The following SCNN1B variants were observed in gnomAD, a reference collection of about 807,000 sequenced individuals.
The protein encoded by SCNN1B is sodium channel epithelial 1 subunit beta.
In SCNN1B, 46 loss-of-function variants were observed where a neutral mutation model predicts 65.3. The observed-to-expected ratio is 0.70, with a 90% CI of 0.56 to 0.90. SCNN1B has a LOEUF of 0.90. Ranked by LOEUF, SCNN1B falls within the 40% of genes least tolerant of loss-of-function variation. The pLI, the probability that SCNN1B is intolerant of heterozygous loss-of-function variation, is 0.00. For missense variants in SCNN1B, 751 were observed against 830.5 expected (o/e 0.90, Z 1.18); for synonymous variants, 349 against 330.6 (o/e 1.06, Z -0.60).
At chr16:23,354,866 CGT>C (rs1962384766) in intron 3 of SCNN1B, among the ~76,000 whole-genome samples, 1 of 152,100 alleles carries the variant, frequency 6.6e-6, no homozygotes, top group South Asian at 2.1e-4. Flanking sequence ...CACACATGAC[CGT>C]GTGTGTGTTT....
chr16:23,332,636 T>C (rs924507405), intron 1 of SCNN1B, among the ~76,000 whole-genome samples: 4 of 152,162 alleles, frequency 2.6e-5, no homozygotes, highest in African/African-American at 9.7e-5. Flanking sequence ...TGGTCAGAGA[T>C]GTTTTTTATC....
intron 1 of SCNN1B, chr16:23,323,449 A>G: frequency 1.5e-6 from 1 of 684,262 alleles, no homozygotes; most frequent in Non-Finnish European, 2.7e-6. Flanking sequence ...TCTCATAGGC[A>G]CTGATCTCTC....
At chr16:23,324,056 T>C (rs1348102820) in intron 1 of SCNN1B, among the ~76,000 whole-genome samples, 1 of 152,134 alleles carries the variant, frequency 6.6e-6, no homozygotes, top group Admixed American at 6.6e-5. Context: ...GAGGTACTAT[T>C]GCTGGCCTCA....
chr16:23,348,933 G>A lies in SCNN1B; in HGVS notation c.311+23G>A. Reference sequence around the variant, plus strand: ...CAAGTAGGTGGCCCCGGAGTGCACAGCTGGCCTCAGCAGACAGGCGGTTCT... The same window carrying A: ...CAAGTAGGTGGCCCCGGAGTGCACAACTGGCCTCAGCAGACAGGCGGTTCT... On this transcript the variant is annotated intron_variant, in intron 2 of 12. Transcript: ENST00000343070. The surrounding 1 kb of genome is among the most constrained non-coding windows in gnomAD (Gnocchi z 4.5). 6.2e-7 allele frequency: 1 copy of A among 1,601,882 alleles called. No homozygotes were observed. Among genetic ancestry groups the A allele is most frequent in the Non-Finnish European group, 8.6e-7 (1 of 1,169,034 alleles).
intron 1 of SCNN1B, among the ~76,000 whole-genome samples, chr16:23,345,007 G>GT (rs1215413166): frequency 1.4e-5 from 2 of 145,602 alleles, no homozygotes; most frequent in East Asian, 2.1e-4. Context: ...AGAGGAGAGA[G>GT]AAAGAGAGAG....
At chr16:23,366,355 A>G (rs1484682101) in intron 4 of SCNN1B, among the ~76,000 whole-genome samples, 1 of 151,934 alleles carries the variant, frequency 6.6e-6, no homozygotes, top group Non-Finnish European at 1.5e-5. Flanking sequence ...ACAGACACTC[A>G]CCACTACTCC....
At chr16:23,372,967 C>T (rs947335053) in intron 7 of SCNN1B, among the ~76,000 whole-genome samples, 5 of 151,418 alleles carry the variant, frequency 3.3e-5, no homozygotes, top group Non-Finnish European at 2.9e-5. Flanking sequence ...ATTAGCCAGG[C>T]GTCGTGGCAC....
chr16:23,296,334 C>T (rs939137107), intron 2 of SCNN1B, among the ~76,000 whole-genome samples: 1 of 152,076 alleles, frequency 6.6e-6, no homozygotes, highest in Non-Finnish European at 1.5e-5. Flanking sequence ...TCCAGAAAAT[C>T]GGGAAATTGG....
intron 1 of SCNN1B, among the ~76,000 whole-genome samples, chr16:23,324,639 G>T (rs563493651): frequency 1.3e-5 from 2 of 152,008 alleles, no homozygotes; most frequent in African/African-American, 2.4e-5. Flanking sequence ...CTGGAATACC[G>T]CATTTTATTC....
chr16:23,331,063 C>A (rs1961801219), intron 1 of SCNN1B, among the ~76,000 whole-genome samples: 1 of 152,244 alleles, frequency 6.6e-6, no homozygotes, highest in Admixed American at 6.5e-5. Flanking sequence ...CATGATTCAT[C>A]TTCCATCTCA....
chr16:23,344,346 G>A (rs1013725069), intron 1 of SCNN1B, among the ~76,000 whole-genome samples: 2 of 152,166 alleles, frequency 1.3e-5, no homozygotes, highest in African/African-American at 4.8e-5. Flanking sequence ...CTTTCTCCTT[G>A]ACTAAATCAG....
At chr16:23,308,899 G>C (rs774506200) in intron 1 of SCNN1B, among the ~76,000 whole-genome samples, 1 of 152,126 alleles carries the variant, frequency 6.6e-6, no homozygotes, top group African/African-American at 2.4e-5. Context: ...CACCATGCCT[G>C]GCCACGATCT....
At chr16:23,316,573 C>T (rs1567294576) in intron 1 of SCNN1B, among the ~76,000 whole-genome samples, 1 of 132,216 alleles carries the variant, frequency 7.6e-6, no homozygotes, top group African/African-American at 4.4e-5. Context: ...TCCTCACCAT[C>T]ACCACCATCA....
intron 1 of SCNN1B, among the ~76,000 whole-genome samples, chr16:23,338,772 T>C (rs1175650418): frequency 1.6e-4 from 24 of 152,236 alleles, no homozygotes. Context: ...CCGTCACATC[T>C]TTCTGACTTT....
At position 23,329,289 on chromosome 16, in the gene SCNN1B, T is replaced by G. The variant is rs542423429; in HGVS notation, c.-8-19303T>G. Among the ~76,000 whole-genome samples, 14 of 151,142 alleles carry G rather than the reference T, an allele frequency of 9.3e-5. No individual in the cohort carries two copies. In the South Asian group the frequency reaches 2.9e-3, roughly 32 times the overall value. The stretch of plus-strand genomic sequence containing the variant: ...ACCAAACATGGCTAATTTTTGTATT[T>G]TTTTGTTTCACCAACATGGTTTCAC... On this transcript the variant is annotated intron_variant, in intron 1 of 12. Transcript: ENST00000343070.
upstream of SCNN1B, among the ~76,000 whole-genome samples, chr16:23,299,231 T>C (rs532757073): frequency 7.4e-4 from 112 of 152,024 alleles, no homozygotes; most frequent in African/African-American, 2.5e-3. Flanking sequence ...GGCTAATTTT[T>C]TGTATTTTAG....
At chr16:23,308,240 A>G (rs1961262758) in intron 1 of SCNN1B, among the ~76,000 whole-genome samples, 1 of 151,540 alleles carries the variant, frequency 6.6e-6, no homozygotes, top group Non-Finnish European at 1.5e-5. Flanking sequence ...TGCAGAGTAC[A>G]AGCCGGGTGC....
At chr16:23,376,955 A>AC (rs1487945242) in intron 8 of SCNN1B, among the ~76,000 whole-genome samples, 1 of 151,762 alleles carries the variant, frequency 6.6e-6, no homozygotes, top group Non-Finnish European at 1.5e-5. Flanking sequence ...AGCTGCTGGG[A>AC]CCCCCCTGAG....
At chr16:23,328,922 AGTT>A (rs1961751666) in intron 1 of SCNN1B, among the ~76,000 whole-genome samples, 1 of 151,368 alleles carries the variant, frequency 6.6e-6, no homozygotes, top group East Asian at 1.9e-4. Context: ...CAGCCTCCTG[AGTT>A]GTTGGGACTA....
Sources: allele counts gnomAD v4.1 joint callset (sites outside exome capture counted in the v4.1 genomes callset), GRCh38; gene constraint gnomAD v4.1.1; non-coding constraint Gnocchi (gnomAD v3.1); transcripts MANE v1.5; gene names NCBI Gene and HGNC (gene_info 2026-07-23, HGNC 2026-07-21).